OTOP1: variants seen among roughly 807,000 people sequenced by gnomAD.
OTOP1 encodes proton channel OTOP1.
Under a neutral mutation model 52.9 loss-of-function variants are expected in OTOP1, and 59 were observed. The observed-to-expected ratio is 1.12, with a 90% CI of 0.91 to 1.39. The LOEUF (loss-of-function observed/expected upper bound fraction) is 1.39, where lower values mean the gene tolerates loss of function less well. Among genes scored for constraint, OTOP1 ranks in the 40% most tolerant of loss-of-function variants. The probability of loss-of-function intolerance (pLI) is 0.00; values close to 1 mark genes in which losing one functional copy is unlikely to be tolerated. For synonymous variants in OTOP1, 317 were observed against 337.7 expected (o/e 0.94, Z 0.67); for missense variants, 761 against 800.9 (o/e 0.95, Z 0.60).
At chr4:4,199,241 A>T (rs370377119) in intron 4 of OTOP1, among the ~76,000 whole-genome samples, 20,171 of 53,560 alleles carry the variant, frequency 0.38, 4,360 homozygotes, top group South Asian at 0.47. Flanking sequence ...TGTGAGAGAG[A>T]GAGAGAGAGA....
At chr4:4,210,098 C>T (rs1042653090) in intron 2 of OTOP1, among the ~76,000 whole-genome samples, 7 of 152,200 alleles carry the variant, frequency 4.6e-5, no homozygotes, top group African/African-American at 1.7e-4. Flanking sequence ...CTGTCTCTCA[C>T]CTAACTGACA....
chr4:4,218,391 C>CAAA (rs202242761), intron 1 of OTOP1, among the ~76,000 whole-genome samples: 11 of 130,592 alleles, frequency 8.4e-5, no homozygotes, highest in African/African-American at 1.4e-4. Context: ...GACTCCAACT[C>CAAA]AAAAAAAAAA....
intron 1 of OTOP1, among the ~76,000 whole-genome samples, chr4:4,219,976 CAT>C (rs1717251601): frequency 7.4e-6 from 1 of 135,672 alleles, no homozygotes; most frequent in South Asian, 2.2e-4. Context: ...CATATATACA[CAT>C]ATATACGTAT....
intron 1 of OTOP1, among the ~76,000 whole-genome samples, chr4:4,217,278 A>T (rs1304582025): frequency 1.3e-5 from 2 of 152,224 alleles, no homozygotes; most frequent in Admixed American, 6.5e-5. Context: ...CTGTAGAAAC[A>T]AAAATATACA....
At chr4:4,195,076 A>C (rs2980124) in intron 5 of OTOP1, among the ~76,000 whole-genome samples, 91,969 of 151,872 alleles carry the variant, frequency 0.61, 29,275 homozygotes, top group South Asian at 0.77. Context: ...CACAAATCTG[A>C]GAGAGTCCTC....
intron 3 of OTOP1, among the ~76,000 whole-genome samples, chr4:4,204,327 G>A (rs1431430416): frequency 1.3e-5 from 2 of 152,114 alleles, no homozygotes; most frequent in Admixed American, 6.5e-5. Flanking sequence ...CGAGGTGCCT[G>A]GGAAGCATTA....
chr4:4,212,219 T>G (rs868760657), intron 2 of OTOP1, among the ~76,000 whole-genome samples: 4 of 152,330 alleles, frequency 2.6e-5, no homozygotes, highest in Middle Eastern at 6.8e-3. Context: ...AACATTCTTT[T>G]CAACCATGAG....
In OTOP1 at chr4:4,195,254, C is replaced by G. The variant is rs192994735; in HGVS notation, c.1668+1912G>C. On this transcript the variant is annotated intron_variant, in intron 5 of 5. Coordinates refer to ENST00000296358, the MANE Select transcript of OTOP1 (RefSeq NM_177998.3). ...GTGCTCCCAAAACATGCCATGGTGT[C>G]TTTTGCCTCTGTGTCTTCACATATT... 2.5e-4 allele frequency among the ~76,000 whole-genome samples: 38 copies of G among 152,346 alleles called. No homozygotes were observed. The East Asian group carries it at 6.9e-3, about 28-fold the overall frequency.
intron 1 of OTOP1, among the ~76,000 whole-genome samples, chr4:4,221,594 T>A (rs890096881): frequency 6.6e-5 from 10 of 152,112 alleles, no homozygotes; most frequent in Admixed American, 6.5e-4. Context: ...CTCCTAGAAG[T>A]TGAGGGCTAA....
chr4:4,218,524 A>G (rs1022956824), intron 1 of OTOP1, among the ~76,000 whole-genome samples: 2 of 152,200 alleles, frequency 1.3e-5, no homozygotes, highest in African/African-American at 4.8e-5. Flanking sequence ...CGTACCCTAA[A>G]GGTCTCATCC....
chr4:4,223,222 G>C (rs988660295), intron 1 of OTOP1, among the ~76,000 whole-genome samples: 1 of 152,194 alleles, frequency 6.6e-6, no homozygotes, highest in Non-Finnish European at 1.5e-5. Flanking sequence ...AACATAGCAT[G>C]TCCATAGGAG....
intron 5 of OTOP1, among the ~76,000 whole-genome samples, chr4:4,196,857 C>G (rs60924285): frequency 0.03 from 4,643 of 152,302 alleles, 229 homozygotes; most frequent in African/African-American, 0.11. Context: ...TGAATTAACA[C>G]ACGAACAGAA....
intron 2 of OTOP1, among the ~76,000 whole-genome samples, chr4:4,209,511 C>T (rs1344718164): frequency 6.6e-6 from 1 of 152,072 alleles, no homozygotes; most frequent in East Asian, 1.9e-4. Context: ...CACATCTGTC[C>T]CAGTCATTCT....
intron 4 of OTOP1, among the ~76,000 whole-genome samples, chr4:4,201,094 C>A (rs1716774008): frequency 6.6e-6 from 1 of 152,144 alleles, no homozygotes; most frequent in Non-Finnish European, 1.5e-5. Context: ...GGGCTAACTT[C>A]TCCGTGGCTT....
intron 1 of OTOP1, among the ~76,000 whole-genome samples, chr4:4,220,332 C>T (rs7693148): frequency 0.045 from 6,772 of 151,828 alleles, 497 homozygotes; most frequent in African/African-American, 0.15. Context: ...TTGAATCATA[C>T]AATCAATGAA....
chr4:4,198,193 C>A, intron 4 of OTOP1, 90 bp from the exon 5 acceptor site: 2 of 1,104,806 alleles, frequency 1.8e-6, no homozygotes, highest in Non-Finnish European at 2.6e-6. Context: ...ACCGTGGATT[C>A]AGGCTTGGGT....
chr4:4,201,097 C>T (rs28688989), intron 4 of OTOP1, among the ~76,000 whole-genome samples: 3,496 of 152,244 alleles, frequency 0.023, 139 homozygotes, highest in African/African-American at 0.08. Context: ...CTAACTTCTC[C>T]GTGGCTTGAT....
At chr4:4,189,115 C>T (rs1716448789) in intron 5 of OTOP1, 142 bp from the exon 6 acceptor site, 1 of 704,666 alleles carries the variant, frequency 1.4e-6, no homozygotes, top group Admixed American at 3.1e-5. Flanking sequence ...AAGGAGACCT[C>T]ATGGCATTTC....
In OTOP1 at chr4:4,197,263, C is replaced by A; in HGVS notation, c.1571G>T (p.Ser524Ile). 1 of 1,614,178 alleles carries A rather than the reference C, an allele frequency of 6.2e-7. No homozygotes were observed. Among genetic ancestry groups the A allele is most frequent in the African/African-American group, 1.3e-5 (1 of 75,030 alleles). Residue 524 changes from serine (S) to isoleucine (I), a missense_variant, in exon 5 of 6, where the codon AGC (serine) becomes ATC (isoleucine). Ser to Ile is a moderately radical substitution (Grantham distance 142, BLOSUM62 -2). This residue lies in a region of OTOP1 where 632 missense variants were observed against 619.5 expected (regional missense o/e 1.02). Transcript: ENST00000296358. ...ACGGGGAAGGCGGACTGGGCTTGGGCTCCCTCCCCAGCTGCTCTCCTCCTG... is the reference window on the plus strand; with the variant it reads ...ACGGGGAAGGCGGACTGGGCTTGGGATCCCTCCCCAGCTGCTCTCCTCCTG... ...EKQEESSWGGSPSPVRLPRFL... is the reference protein window; with the variant it reads ...EKQEESSWGGIPSPVRLPRFL...
Sources: gnomAD v4.1 joint callset for allele counts (sites outside exome capture counted in the v4.1 genomes callset) on GRCh38, gnomAD v4.1.1 for gene constraint, gnomAD v4.1.1 regional missense constraint, MANE v1.5 for transcripts, NCBI Gene and HGNC (gene_info 2026-07-23, HGNC 2026-07-21) for gene names.